Variants in SND1 observed in about 807,000 individuals in gnomAD.
The protein encoded by SND1 is staphylococcal nuclease and tudor domain containing 1.
SND1 carries 38 observed loss-of-function variants against 121.7 expected under a neutral mutation model. That is an observed-to-expected ratio of 0.31 (90% CI 0.24 to 0.41). The LOEUF is 0.41. SND1 is among the 10% of genes least tolerant of loss of function. The pLI is 1.00. For missense variants in SND1, 868 were observed against 1,184.6 expected, an observed-to-expected ratio of 0.73 and a Z score of 3.92; for synonymous variants, 401 against 447.4, an observed-to-expected ratio of 0.90 and a Z score of 1.31.
intron 12 of SND1, among the ~76,000 whole-genome samples, chr7:127,872,154 G>A (rs1005595225): frequency 6.6e-6 from 1 of 152,130 alleles, no homozygotes; most frequent in Non-Finnish European, 1.5e-5. Context: ...ATTATAATAT[G>A]TCTGAGCTAG....
At chr7:127,927,805 A>G (rs1800871780) in intron 14 of SND1, among the ~76,000 whole-genome samples, 1 of 152,206 alleles carries the variant, frequency 6.6e-6, no homozygotes, top group South Asian at 2.1e-4. Flanking sequence ...TTATGTTTTC[A>G]TTATCTAATG....
rs567498291 is a variant in SND1, at chr7:127,809,929, C to T, written c.1242+2356C>T. On this transcript the variant is annotated intron_variant, in intron 11 of 23. Transcript: ENST00000354725. ...CATACTTCTCTTGGAGGCTTTGTTT[C>T]GTAATTTGTGAACCGGGACTATTAC... Among the ~76,000 whole-genome samples, 12 of 152,222 alleles carry T rather than the reference C, an allele frequency of 7.9e-5. No homozygotes were observed. In the East Asian group the frequency reaches 1.5e-3, roughly 20 times the overall value.
At chr7:127,893,514 A>G (rs1254537575) in intron 13 of SND1, among the ~76,000 whole-genome samples, 1 of 152,046 alleles carries the variant, frequency 6.6e-6, no homozygotes, top group East Asian at 1.9e-4. Context: ...TAATTCTAAG[A>G]TTTGCAATTT....
intron 1 of SND1, among the ~76,000 whole-genome samples, chr7:127,674,887 T>C (rs921152885): frequency 6.7e-6 from 1 of 148,968 alleles, no homozygotes; most frequent in Non-Finnish European, 1.5e-5. Context: ...TTTTCTGTGA[T>C]GTATTTAGTG....
chr7:128,053,141 G>C (rs1161476162), intron 16 of SND1, among the ~76,000 whole-genome samples: 3 of 152,358 alleles, frequency 2.0e-5, no homozygotes, highest in Admixed American at 6.5e-5. Context: ...AAGGCTTTCA[G>C]AATTGACAAG....
In SND1 at chr7:128,081,243, G is replaced by C. The variant is rs1000340025; in HGVS notation, c.1969-117G>C. On this transcript the variant is annotated intron_variant, in intron 17 of 23. Coordinates refer to ENST00000354725, the MANE Select transcript of SND1 (RefSeq NM_014390.4). ...GAACTCCTAACCTCGTGATCCACCC[G>C]CCTCGGCCTCCCAAAGTGCTGGGAT... 10 of 1,250,660 alleles carry C rather than the reference G, an allele frequency of 8.0e-6. No homozygotes were observed. The East Asian group carries it at 1.6e-4, about 19-fold the overall frequency. The allele number at this position is 1,250,660 out of a possible 1,614,324, so 77.5% of individuals were successfully genotyped here.
intron 16 of SND1, among the ~76,000 whole-genome samples, chr7:128,065,812 C>G (rs754739067): frequency 6.6e-6 from 1 of 152,212 alleles, no homozygotes; most frequent in Non-Finnish European, 1.5e-5. Context: ...GACTGCCCTT[C>G]ACGTCAACTG....
In SND1 at chr7:127,832,736, G is replaced by A. The variant is rs866458735; in HGVS notation, c.1243-11588G>A. Among the ~76,000 whole-genome samples, 40 of 152,312 alleles carry A rather than the reference G, an allele frequency of 2.6e-4. 1 individual carries two copies. The highest frequency in any genetic ancestry group is 3.4e-3 in the Middle Eastern group (1 of 294). On this transcript the variant is annotated intron_variant, in intron 11 of 23. Transcript: ENST00000354725. ...CTTAGAGCAAGGGTCCCCAAGCCCC[G>A]GACTGCGGACCGGTACTGGTCCCTG...
chr7:127,808,662 C>T (rs1328194812), intron 11 of SND1, among the ~76,000 whole-genome samples: 3 of 152,114 alleles, frequency 2.0e-5, no homozygotes, highest in Admixed American at 6.5e-5. Context: ...AATGAGTATT[C>T]GATCTACTCA....
chr7:127,890,437 C>T (rs1192968795), intron 13 of SND1, among the ~76,000 whole-genome samples: 3 of 152,106 alleles, frequency 2.0e-5, no homozygotes, highest in Non-Finnish European at 4.4e-5. Flanking sequence ...CTAAACTATC[C>T]ATGGGATTTG....
Position 127,694,875 on chromosome 7 carries a change from G to A in SND1, c.276G>A (p.Gly92=), listed in dbSNP as rs1341158474. 10 of 1,614,036 alleles carry A rather than the reference G, an allele frequency of 6.2e-6. No individual in the cohort carries two copies. The highest frequency in any genetic ancestry group is 2.2e-5 in the South Asian group (2 of 91,048). Residue 92 remains glycine, a synonymous_variant, in exon 3 of 24, where the codon GGG becomes GGA. Coordinates refer to ENST00000354725, the MANE Select transcript of SND1 (RefSeq NM_014390.4). Reference sequence around the variant, plus strand: ...AGTTCCTTCGAAAGAAGCTGATTGGGAAGGAAGTCTGTTTCACGATAGAAA... The same window carrying A: ...AGTTCCTTCGAAAGAAGCTGATTGGAAAGGAAGTCTGTTTCACGATAGAAA... ...AREFLRKKLI[G]KEVCFTIENK...
chr7:127,738,123 T>C (rs1796811169), intron 10 of SND1, among the ~76,000 whole-genome samples: 1 of 152,138 alleles, frequency 6.6e-6, no homozygotes, highest in African/African-American at 2.4e-5. Context: ...CATGTTCAGC[T>C]TTGTATCTTC....
intron 2 of SND1, among the ~76,000 whole-genome samples, chr7:127,691,657 GGCTGGAGT>G (rs1795918933): frequency 6.6e-6 from 1 of 151,880 alleles, no homozygotes; most frequent in African/African-American, 2.4e-5. Context: ...TTGTCGCCCG[GGCTGGAGT>G]GCAGTGGCGC....
chr7:127,732,430 G>C (rs555255298), intron 10 of SND1, among the ~76,000 whole-genome samples: 1 of 152,338 alleles, frequency 6.6e-6, no homozygotes, highest in African/African-American at 2.4e-5. Flanking sequence ...TTACAAAGGA[G>C]TATGTTGCTG....
intron 1 of SND1, among the ~76,000 whole-genome samples, chr7:127,660,707 A>G (rs982598573): frequency 3.9e-5 from 6 of 152,162 alleles, no homozygotes; most frequent in Non-Finnish European, 7.3e-5. Context: ...GGGATGTTCA[A>G]CCTGTATAGG....
At chr7:127,959,299 C>T (rs1409638970) in intron 15 of SND1, among the ~76,000 whole-genome samples, 1 of 152,184 alleles carries the variant, frequency 6.6e-6, no homozygotes, top group Non-Finnish European at 1.5e-5. Context: ...GGAGTGTTTC[C>T]CTGGCAGACT....
intron 10 of SND1, among the ~76,000 whole-genome samples, chr7:127,783,125 A>G (rs1797752122): frequency 6.6e-6 from 1 of 152,128 alleles, no homozygotes; most frequent in South Asian, 2.1e-4. Flanking sequence ...CCTTCTGAGG[A>G]TTGCATGAGT....
intron 14 of SND1, among the ~76,000 whole-genome samples, chr7:127,906,074 A>G (rs906447618): frequency 6.6e-6 from 1 of 152,108 alleles, no homozygotes; most frequent in African/African-American, 2.4e-5. Context: ...CATCTTAAAC[A>G]ATGGGACTCT....
intron 15 of SND1, among the ~76,000 whole-genome samples, chr7:127,966,363 T>G (rs1801852900): frequency 6.8e-6 from 1 of 147,080 alleles, no homozygotes. Flanking sequence ...CTAATAGACA[T>G]CTACAGAACT....
Sources: gnomAD v4.1 joint callset for allele counts (sites outside exome capture counted in the v4.1 genomes callset) on GRCh38, gnomAD v4.1.1 for gene constraint, MANE v1.5 for transcripts, NCBI Gene and HGNC (gene_info 2026-07-23, HGNC 2026-07-21) for gene names.